TIMM23B: variants seen among roughly 807,000 people sequenced by gnomAD.
The protein encoded by TIMM23B is mitochondrial import inner membrane translocase subunit Tim23B.
A neutral mutation model predicts 27.3 loss-of-function variants in TIMM23B; 27 were observed. The ratio of observed to expected loss-of-function variants is 0.99; its 90% CI spans 0.73 to 1.36. TIMM23B has a LOEUF of 1.36. Ranked by LOEUF, TIMM23B falls within the 40% of genes most tolerant of loss-of-function variation. The pLI, the probability that TIMM23B is intolerant of heterozygous loss-of-function variation, is 0.00. For missense variants in TIMM23B, 205 were observed against 244.2 expected (o/e 0.84, Z 1.07); for synonymous variants, 73 against 92.4 (o/e 0.79, Z 1.21).
chr10:49,962,213 T>C (rs1262054759), intron 6 of TIMM23B, among the ~76,000 whole-genome samples: 1 of 151,906 alleles, frequency 6.6e-6, no homozygotes, highest in Non-Finnish European at 1.5e-5. Flanking sequence ...TTTGCTTTTT[T>C]TTTTTTTTTA....
chr10:49,970,002 C>T lies in TIMM23B; in HGVS notation c.515-3010C>T, dbSNP rs1589053233. On this transcript the variant is annotated intron_variant, in intron 6 of 6. Coordinates refer to ENST00000651259, the MANE Select transcript of TIMM23B (RefSeq NM_001290117.2). The stretch of plus-strand genomic sequence containing the variant: ...GGAGACGGGGTTTCGCCATGTTGGC[C>T]GGGCTGGTCTCCAGCTCCTAACCGC... The T allele has an allele frequency of 1.4e-4, 23 of 168,470 alleles. No homozygotes were observed. In the South Asian group the frequency reaches 2.7e-3, roughly 20 times the overall value. 10.4% of individuals were successfully genotyped at this position (168,470 alleles called of 1,614,324 possible).
chr10:49,954,764 A>G (rs1389743120), intron 4 of TIMM23B, among the ~76,000 whole-genome samples: 2 of 143,382 alleles, frequency 1.4e-5, no homozygotes, highest in African/African-American at 5.2e-5. Context: ...ATTATTATTA[A>G]GGACTTATAT....
intron 5 of TIMM23B, among the ~76,000 whole-genome samples, chr10:49,956,096 C>T (rs1280717249): frequency 7.7e-6 from 1 of 129,672 alleles, no homozygotes; most frequent in Non-Finnish European, 1.6e-5. Context: ...CCTCTGTGTA[C>T]CCATTGTGGT....
chr10:49,966,694 G>A (rs1219767774), intron 6 of TIMM23B, among the ~76,000 whole-genome samples: 1 of 152,042 alleles, frequency 6.6e-6, no homozygotes, highest in Non-Finnish European at 1.5e-5. Context: ...GCATGATAGC[G>A]GGTGCCTGTA....
intron 6 of TIMM23B, among the ~76,000 whole-genome samples, chr10:49,971,714 G>A (rs1402415339): frequency 1.3e-5 from 2 of 152,268 alleles, no homozygotes; most frequent in Middle Eastern, 3.4e-3. Flanking sequence ...GCTATGTACC[G>A]GGGACATTTG....
intron 6 of TIMM23B, among the ~76,000 whole-genome samples, chr10:49,966,156 T>G (rs1291042719): frequency 7.0e-6 from 1 of 143,396 alleles, no homozygotes; most frequent in Admixed American, 7.0e-5. Context: ...GCACTCCAGC[T>G]TGCGCGGTAG....
At chr10:49,950,697 A>G (rs1427122843) in intron 2 of TIMM23B, among the ~76,000 whole-genome samples, 4 of 151,762 alleles carry the variant, frequency 2.6e-5, no homozygotes, top group Non-Finnish European at 5.9e-5. Context: ...GCACACTGCC[A>G]CGCCCAGCTA....
At chr10:49,955,765 A>C (rs1839696247) in intron 5 of TIMM23B, among the ~76,000 whole-genome samples, 2 of 152,204 alleles carry the variant, frequency 1.3e-5, no homozygotes, top group Non-Finnish European at 2.9e-5. Flanking sequence ...AAAACATAGA[A>C]AAAGCGTTTG....
intron 6 of TIMM23B, among the ~76,000 whole-genome samples, chr10:49,966,883 G>C (rs1280539368): frequency 6.6e-6 from 1 of 152,196 alleles, no homozygotes; most frequent in Non-Finnish European, 1.5e-5. Flanking sequence ...ACAGCTGCTA[G>C]TTTTTCCCTC....
chr10:49,967,036 C>G (rs1554855548), intron 6 of TIMM23B, among the ~76,000 whole-genome samples: 1 of 151,970 alleles, frequency 6.6e-6, no homozygotes, highest in Non-Finnish European at 1.5e-5. Context: ...GCTCCCATCT[C>G]AACCTCCCAA....
chr10:49,954,733 C>CTTATTATTATTATTA (rs1262233769), intron 4 of TIMM23B, among the ~76,000 whole-genome samples: 1 of 145,036 alleles, frequency 6.9e-6, no homozygotes, highest in Non-Finnish European at 1.5e-5. Flanking sequence ...AAGAGTTTTC[C>CTTATTATTATTATTA]TTATTATTAT....
At position 49,973,670 on chromosome 10, in the gene TIMM23B, C is replaced by A. The variant is rs1401251621; in HGVS notation, c.*606C>A. On this transcript the variant is annotated 3_prime_UTR_variant, in exon 7 of 7. Coordinates refer to ENST00000651259, the MANE Select transcript of TIMM23B (RefSeq NM_001290117.2). The stretch of plus-strand genomic sequence containing the variant: ...CCAGCCTGGGTGACACACCAAGTTG[C>A]CATCTCTTCAAAAAAGGAATCTAGA... 3 of 151,388 alleles carry A rather than the reference C, an allele frequency of 2.0e-5. No homozygotes were observed. The highest frequency in any genetic ancestry group is 2.0e-4 in the Admixed American group (3 of 15,228). The allele number at this position is 151,388 out of a possible 1,614,324, so 9.4% of individuals were successfully genotyped here.
chr10:49,960,471 T>C (rs1164094970), intron 6 of TIMM23B, among the ~76,000 whole-genome samples: 28,651 of 150,802 alleles, frequency 0.19, 3,244 homozygotes, highest in Non-Finnish European at 0.27. Context: ...GTGTTAACTC[T>C]GCTAAGAATT....
rs1840578380 is a variant in TIMM23B at position 49,974,461 on chromosome 10, A to G, written c.*1397A>G. On this transcript the variant is annotated 3_prime_UTR_variant, in exon 7 of 7. Coordinates refer to ENST00000651259, the MANE Select transcript of TIMM23B (RefSeq NM_001290117.2). ...AGTAGAAAGGGTAAATGCAGCCCTC[A>G]CAGCAGCCTGTTGTTCGTCCTGCAA... 1 of 149,152 alleles carries G rather than the reference A, an allele frequency of 6.7e-6. No homozygotes were observed. The highest frequency in any genetic ancestry group is 1.5e-5 in the Non-Finnish European group (1 of 66,908). 9.2% of individuals were successfully genotyped at this position (149,152 alleles called of 1,614,324 possible).
intron 6 of TIMM23B, among the ~76,000 whole-genome samples, chr10:49,970,749 G>A (rs1840403705): frequency 6.6e-6 from 1 of 151,888 alleles, no homozygotes; most frequent in Admixed American, 6.5e-5. Context: ...CGTCTGGGAG[G>A]TGGGGGGCGC....
rs1427665492 is a variant in TIMM23B at position 49,974,371 on chromosome 10, TC to T, written c.*1308del. On this transcript the variant is annotated 3_prime_UTR_variant, in exon 7 of 7. Transcript: ENST00000651259. ...TATCTGTAAAAATTGTGGGAAGTTT[TC>T]TGCACCCTGAAATTTCTGTTATGCG... The T allele has an allele frequency of 2.0e-5, 3 of 151,630 alleles. No individual in the cohort carries two copies. The highest frequency in any genetic ancestry group is 2.0e-4 in the Admixed American group (3 of 15,230). The allele number at this position is 151,630 out of a possible 1,614,324, so 9.4% of individuals were successfully genotyped here.
chr10:49,951,617 A>G (rs1392801470), intron 2 of TIMM23B, among the ~76,000 whole-genome samples: 4 of 152,116 alleles, frequency 2.6e-5, no homozygotes, highest in African/African-American at 9.7e-5. Context: ...GTATCAAAGG[A>G]ATATATACTC....
chr10:49,954,211 ATTTC>A, intron 4 of TIMM23B: 1 of 216,736 alleles, frequency 4.6e-6, no homozygotes, highest in South Asian at 7.3e-5. Context: ...TATTTCCATA[ATTTC>A]CAGCAGTAGT....
chr10:49,951,507 G>A (rs1839528463), intron 2 of TIMM23B, among the ~76,000 whole-genome samples: 1 of 151,966 alleles, frequency 6.6e-6, no homozygotes, highest in Non-Finnish European at 1.5e-5. Context: ...GCTCTTAAGA[G>A]TGTCATTTCT....
Sources: allele counts gnomAD v4.1 joint callset (sites outside exome capture counted in the v4.1 genomes callset), GRCh38; gene constraint gnomAD v4.1.1; transcripts MANE v1.5; gene names NCBI Gene and HGNC (gene_info 2026-07-23, HGNC 2026-07-21).